Variants in FAT1 observed in about 807,000 individuals in gnomAD.
The protein encoded by FAT1 is protocadherin Fat 1.
In FAT1, 171 loss-of-function variants were observed where a neutral mutation model predicts 329.8. That is an observed-to-expected ratio of 0.52 (90% CI 0.46 to 0.59). FAT1 has a LOEUF of 0.59. Ranked by LOEUF, FAT1 falls within the 20% of genes least tolerant of loss-of-function variation. The pLI, the probability that FAT1 is intolerant of heterozygous loss-of-function variation, is 0.00. For missense variants in FAT1, 5,672 were observed against 5,774.4 expected (o/e 0.98, Z 0.57); for synonymous variants, 2,233 against 2,228.6 (o/e 1.00, Z -0.06).
chr4:186,622,876 A>C (rs879630150), intron 9 of FAT1, among the ~76,000 whole-genome samples: 3 of 152,168 alleles, frequency 2.0e-5, no homozygotes, highest in Admixed American at 2.0e-4. Context: ...ACCCAAAACA[A>C]AGCTCACTTG....
rs749357346 is a variant in FAT1, at chr4:186,595,793, T to C, written c.13034A>G (p.Lys4345Arg). The C allele has an allele frequency of 6.2e-7, 1 of 1,613,960 alleles. No individual in the cohort carries two copies. The highest frequency in any genetic ancestry group is 8.5e-7 in the Non-Finnish European group (1 of 1,179,884). Residue 4345 changes from lysine to arginine, a missense_variant, in exon 26 of 27, where the codon AAG becomes AGG. Around this residue, in one of 2 missense-constraint regions of FAT1, gnomAD observed 1,706 missense variants for 1,859.1 expected, o/e 0.92. Transcript: ENST00000441802. ...GGAAGGCTTTTCCTCTAGAGGCTTC[T>C]TGGAAAGACAGGGATCAAGATCCAC... ...KVVDLDPCLSKKPLEEKPSQP... is the reference protein window; with the variant it reads ...KVVDLDPCLSRKPLEEKPSQP...
intron 7 of FAT1, among the ~76,000 whole-genome samples, chr4:186,630,933 C>T (rs924103760): frequency 2.0e-5 from 3 of 152,158 alleles, no homozygotes; most frequent in African/African-American, 7.2e-5. Flanking sequence ...CCTGGAGATA[C>T]AAGATAAAGC....
chr4:186,628,208 C>T lies in FAT1; in HGVS notation c.4756G>A (p.Ala1586Thr), dbSNP rs754966668. Residue 1586 changes from alanine (A) to threonine (T), a missense_variant, in exon 9 of 27, where the codon GCT becomes ACT. Physicochemically the swap from Ala to Thr is moderately conservative, Grantham distance 58. Around this residue, in one of 2 missense-constraint regions of FAT1, gnomAD observed 3,966 missense variants for 3,915.2 expected, o/e 1.01. Transcript: ENST00000441802. ...AVGSVVLQVTALDKDKGKNAE... is the reference protein window; with the variant it reads ...AVGSVVLQVTTLDKDKGKNAE... Reference sequence around the variant, plus strand: ...TTTTTCCCTTTGTCCTTGTCCAGAGCCGTCACCTGCAACACAACTGAGCCA... The same window carrying T: ...TTTTTCCCTTTGTCCTTGTCCAGAGTCGTCACCTGCAACACAACTGAGCCA... 2.0e-5 allele frequency: 32 copies of T among 1,613,966 alleles called. No homozygotes were observed. In the South Asian group the frequency reaches 3.5e-4, roughly 18 times the overall value.
At chr4:186,610,679 A>C (rs1365769163) in intron 14 of FAT1, among the ~76,000 whole-genome samples, 1 of 54,154 alleles carries the variant, frequency 1.8e-5, no homozygotes, top group Non-Finnish European at 3.4e-5. Context: ...ATTTATATAA[A>C]TATAAATTAT....
chr4:186,642,016 A>C (rs532920721), intron 3 of FAT1, among the ~76,000 whole-genome samples: 12 of 151,746 alleles, frequency 7.9e-5, no homozygotes, highest in African/African-American at 1.5e-4. Flanking sequence ...AAAAAAAAAA[A>C]ACAAAATCCA....
At chr4:186,670,270 G>A (rs1352681668) in intron 2 of FAT1, among the ~76,000 whole-genome samples, 1 of 152,114 alleles carries the variant, frequency 6.6e-6, no homozygotes, top group African/African-American at 2.4e-5. Context: ...CATACTTAAT[G>A]TTTTAAACTT....
intron 20 of FAT1, among the ~76,000 whole-genome samples, chr4:186,602,114 A>G (rs919028025): frequency 2.6e-5 from 4 of 152,248 alleles, no homozygotes; most frequent in African/African-American, 9.6e-5. Flanking sequence ...AAGTAGCCAG[A>G]GAAATGCAAA....
intron 2 of FAT1, among the ~76,000 whole-genome samples, chr4:186,673,079 G>A (rs1215472068): frequency 6.6e-6 from 1 of 152,020 alleles, no homozygotes; most frequent in Non-Finnish European, 1.5e-5. Context: ...AAATATAAAC[G>A]TATAAAAGTA....
intron 26 of FAT1, 22 bp from the exon 27 acceptor site, chr4:186,589,242 T>C (rs746257240): frequency 3.2e-6 from 5 of 1,577,606 alleles, no homozygotes; most frequent in Admixed American, 1.8e-5. Context: ...AGAAAACAGA[T>C]GTCAGTGTGT....
At chr4:186,598,200 TTATC>T in intron 22 of FAT1, 75 bp from the exon 23 acceptor site, 1 of 1,333,288 alleles carries the variant, frequency 7.5e-7, no homozygotes, top group South Asian at 1.7e-5. Flanking sequence ...ATATTGCTTT[TTATC>T]TTTATTCTCC....
At position 186,597,822 on chromosome 4, in the gene FAT1, C is replaced by T. The variant is rs2306990; in HGVS notation, c.12258-30G>A. The T allele has an allele frequency of 0.34, 547,972 of 1,591,240 alleles. 99,153 individuals are homozygous for T. Among genetic ancestry groups the T allele is most frequent in the East Asian group, 0.58 (26,090 of 44,694 alleles). ...AGAGTAAGGAGAAACAGACATAAACCTCATGATCCTATTGCAAATAAATAC... is the reference window on the plus strand; with the variant it reads ...AGAGTAAGGAGAAACAGACATAAACTTCATGATCCTATTGCAAATAAATAC... On this transcript the variant is annotated intron_variant, in intron 23 of 26. Coordinates refer to ENST00000441802, the MANE Select transcript of FAT1 (RefSeq NM_005245.4).
chr4:186,663,340 C>G lies in FAT1; in HGVS notation c.3539G>C (p.Ser1180Thr), dbSNP rs2126616728. The change falls in exon 3 of 27, where the codon AGT becomes ACT. Residue 1180 changes from serine (S) to threonine (T), a missense_variant. Around this residue, in one of 2 missense-constraint regions of FAT1, gnomAD observed 3,966 missense variants for 3,915.2 expected, o/e 1.01. Coordinates refer to ENST00000441802, the MANE Select transcript of FAT1 (RefSeq NM_005245.4). ...TGAAAAGAATCCTTGTGGATTTCCA[C>G]TTGTAATTTTGTACATGAGCTTGTC... The part of the protein sequence containing the change: ...SNDKLMYKIT[S>T]GNPQGFFSIH... 1 of 1,613,920 alleles carries G rather than the reference C, an allele frequency of 6.2e-7. No individual in the cohort carries two copies. Among genetic ancestry groups the G allele is most frequent in the South Asian group, 1.1e-5 (1 of 91,072 alleles).
intron 26 of FAT1, among the ~76,000 whole-genome samples, chr4:186,593,667 G>C (rs1429508056): frequency 1.3e-5 from 2 of 152,160 alleles, no homozygotes; most frequent in Admixed American, 1.3e-4. Context: ...CTCTGAGATG[G>C]AAGAAACCAA....
intron 1 of FAT1, among the ~76,000 whole-genome samples, chr4:186,719,843 T>C (rs1173913735): frequency 1.3e-5 from 2 of 152,236 alleles, no homozygotes; most frequent in African/African-American, 4.8e-5. Flanking sequence ...AATGGGTATT[T>C]TGTTCATGCA....
chr4:186,591,070 G>A (rs553989755), intron 26 of FAT1, among the ~76,000 whole-genome samples: 4 of 152,322 alleles, frequency 2.6e-5, no homozygotes, highest in African/African-American at 4.8e-5. Flanking sequence ...GTAACCAAAC[G>A]CATGTAAATC....
rs2126399374 is a variant in FAT1 at position 186,597,731 on chromosome 4, T to C, written c.12319A>G (p.Ser4107Gly). Residue 4107 changes from serine (S) to glycine (G), a missense_variant, in exon 24 of 27, where the codon AGT becomes GGT. Physicochemically the swap from Ser to Gly is moderately conservative, Grantham distance 56 (BLOSUM62 0). Around this residue, in one of 2 missense-constraint regions of FAT1, gnomAD observed 1,706 missense variants for 1,859.1 expected, o/e 0.92. Coordinates refer to ENST00000441802, the MANE Select transcript of FAT1 (RefSeq NM_005245.4). ...PCKNGGTCFD[S>G]LDGAVCQCDS... The stretch of plus-strand genomic sequence containing the variant: ...CACTGACAAACGGCGCCATCCAAAC[T>C]GTCAAAGCATGTTCCGCCATTCTTA... 6.2e-7 allele frequency: 1 copy of C among 1,613,920 alleles called. No individual in the cohort carries two copies. The highest frequency in any genetic ancestry group is 8.5e-7 in the Non-Finnish European group (1 of 1,179,866).
intron 1 of FAT1, among the ~76,000 whole-genome samples, chr4:186,718,887 G>A (rs1745338925): frequency 6.6e-6 from 1 of 151,890 alleles, no homozygotes; most frequent in Non-Finnish European, 1.5e-5. Context: ...CGCATCACAA[G>A]CTAATGTCAA....
rs999442769 is a variant in FAT1, at chr4:186,611,826, A to C, written c.9464-51T>G. Reference sequence around the variant, plus strand: ...AAGATTTTAAATAAAAAAGTTTAACACTTTTTTTTTTTTTTGAGATGGAGT... The same window carrying C: ...AAGATTTTAAATAAAAAAGTTTAACCCTTTTTTTTTTTTTTGAGATGGAGT... On this transcript the variant is annotated intron_variant, in intron 13 of 26. Transcript: ENST00000441802. 372 of 1,396,534 alleles carry C rather than the reference A, an allele frequency of 2.7e-4. 2 individuals are homozygous for C. The highest frequency in any genetic ancestry group is 7.2e-5 in the South Asian group (5 of 69,526). 86.5% of individuals were successfully genotyped at this position (1,396,534 alleles called of 1,614,324 possible). A position where few individuals can be genotyped will look rare whatever the true frequency, so the allele number is the denominator to read the frequency against.
Position 186,619,128 on chromosome 4 carries a change from A to C in FAT1, c.7458T>G (p.Asn2486Lys), listed in dbSNP as rs567534936. 6.2e-7 allele frequency: 1 copy of C among 1,613,974 alleles called. No individual in the cohort carries two copies. Among genetic ancestry groups the C allele is most frequent in the Non-Finnish European group, 8.5e-7 (1 of 1,179,900 alleles). ...TCTGAAGGAAAGCAGGACTGTGCAA[A>C]TTGCCTCCAATTACAGTTACATGAA... ...TQVHVTVIGG[N>K]LHSPAFLQNE... The change falls in exon 10 of 27, where the codon AAT (asparagine) becomes AAG (lysine). Residue 2486 changes from asparagine to lysine, a missense_variant. Asn to Lys is a moderately conservative substitution (Grantham distance 94). Transcript: ENST00000441802.
Sources: gnomAD v4.1 joint callset for allele counts (sites outside exome capture counted in the v4.1 genomes callset) on GRCh38, gnomAD v4.1.1 for gene constraint, gnomAD v4.1.1 regional missense constraint, MANE v1.5 for transcripts, NCBI Gene and HGNC (gene_info 2026-07-23, HGNC 2026-07-21) for gene names.